Variants in STAU2 observed in about 807,000 individuals in gnomAD.
STAU2 encodes the protein double-stranded RNA-binding protein Staufen homolog 2.
In STAU2, 20 loss-of-function variants were observed where a neutral mutation model predicts 65.9. That is an observed-to-expected ratio of 0.30 (90% CI 0.21 to 0.44). The LOEUF (loss-of-function observed/expected upper bound fraction) is 0.44, where lower values mean the gene tolerates loss of function less well. STAU2 is among the 20% of genes least tolerant of loss of function. The probability of loss-of-function intolerance (pLI) is 1.00; values close to 1 mark genes in which losing one functional copy is unlikely to be tolerated. For synonymous variants in STAU2, 232 were observed against 233.9 expected (o/e 0.99, Z 0.07); for missense variants, 558 against 683.9 (o/e 0.82, Z 2.05).
intron 9 of STAU2, among the ~76,000 whole-genome samples, chr8:73,612,395 G>A (rs1812540950): frequency 6.6e-6 from 1 of 152,058 alleles, no homozygotes; most frequent in South Asian, 2.1e-4. Flanking sequence ...ACTTGCTCAG[G>A]CCACAGGGAT....
chr8:73,647,818 T>C (rs1050014467), intron 6 of STAU2, among the ~76,000 whole-genome samples: 4 of 152,118 alleles, frequency 2.6e-5, no homozygotes, highest in African/African-American at 9.7e-5. Flanking sequence ...GGTCTCAAGC[T>C]ATCTGTCCCA....
At chr8:73,466,735 G>A (rs1254891111) in intron 13 of STAU2, among the ~76,000 whole-genome samples, 1 of 152,134 alleles carries the variant, frequency 6.6e-6, no homozygotes, top group Non-Finnish European at 1.5e-5. Flanking sequence ...CTTCTACTTT[G>A]TGCTGTGGAT....
At chr8:73,502,621 T>C (rs1039158100) in intron 13 of STAU2, among the ~76,000 whole-genome samples, 2 of 152,074 alleles carry the variant, frequency 1.3e-5, no homozygotes, top group African/African-American at 4.8e-5. Flanking sequence ...CTCTATTGCC[T>C]AGAGGGAGCT....
At chr8:73,481,427 A>G (rs909382474) in intron 13 of STAU2, among the ~76,000 whole-genome samples, 1 of 151,518 alleles carries the variant, frequency 6.6e-6, no homozygotes, top group Admixed American at 6.6e-5. Context: ...GATACATGCC[A>G]AAGTTTGAGA....
chr8:73,577,812 G>A (rs2128960188), intron 12 of STAU2, among the ~76,000 whole-genome samples: 1 of 152,152 alleles, frequency 6.6e-6, no homozygotes, highest in South Asian at 2.1e-4. Context: ...CCATTTTCCT[G>A]ATTGCTAAAC....
intron 12 of STAU2, among the ~76,000 whole-genome samples, chr8:73,581,319 T>C (rs752507451): frequency 1.3e-5 from 2 of 152,230 alleles, no homozygotes; most frequent in African/African-American, 2.4e-5. Flanking sequence ...AGTGCCTGAA[T>C]GTAACTATTC....
At chr8:73,732,135 A>T (rs1221957174) in intron 3 of STAU2, among the ~76,000 whole-genome samples, 3 of 152,204 alleles carry the variant, frequency 2.0e-5, no homozygotes, top group African/African-American at 7.2e-5. Flanking sequence ...ATCTGCTTCC[A>T]AGAAGGCTCG....
intron 8 of STAU2, among the ~76,000 whole-genome samples, chr8:73,615,266 G>A (rs894883849): frequency 1.3e-5 from 2 of 151,174 alleles, no homozygotes; most frequent in Non-Finnish European, 2.9e-5. Flanking sequence ...TGTTAGTTGA[G>A]GTTAAAGTGA....
intron 13 of STAU2, among the ~76,000 whole-genome samples, chr8:73,431,564 T>C (rs536171639): frequency 3.3e-5 from 5 of 152,338 alleles, no homozygotes; most frequent in South Asian, 2.1e-4. Context: ...TCTGCATAGA[T>C]ACAAGAAATA....
At chr8:73,717,670 C>T (rs1167168074) in intron 3 of STAU2, among the ~76,000 whole-genome samples, 5 of 150,036 alleles carry the variant, frequency 3.3e-5, no homozygotes, top group African/African-American at 7.5e-5. Context: ...TGTTTTGAGA[C>T]GGAGTCTCGC....
chr8:73,451,029 TG>T (rs1332659624), intron 13 of STAU2, among the ~76,000 whole-genome samples: 1 of 152,172 alleles, frequency 6.6e-6, no homozygotes, highest in Non-Finnish European at 1.5e-5. Context: ...TCACAAACAC[TG>T]AAGAACCCAG....
chr8:73,726,995 C>T (rs577184246), intron 3 of STAU2, among the ~76,000 whole-genome samples: 49 of 152,110 alleles, frequency 3.2e-4, no homozygotes, highest in African/African-American at 1.1e-3. Context: ...TTTGGGAGGC[C>T]GAGGCAGGTG....
intron 12 of STAU2, among the ~76,000 whole-genome samples, chr8:73,555,660 T>C (rs1412677152): frequency 7.7e-6 from 1 of 130,276 alleles, no homozygotes; most frequent in East Asian, 2.1e-4. Context: ...ACATAGCATT[T>C]ATATAATATT....
At chr8:73,575,718 T>C (rs1205461988) in intron 12 of STAU2, among the ~76,000 whole-genome samples, 2 of 152,078 alleles carry the variant, frequency 1.3e-5, no homozygotes, top group African/African-American at 4.8e-5. Flanking sequence ...GATTGAATAA[T>C]ATATATTTGA....
intron 13 of STAU2, among the ~76,000 whole-genome samples, chr8:73,439,455 G>A (rs1290272485): frequency 6.6e-6 from 1 of 152,044 alleles, no homozygotes; most frequent in East Asian, 1.9e-4. Context: ...CATCTCTACT[G>A]AAAAATACAA....
chr8:73,541,549 G>A (rs1388021837), intron 13 of STAU2, among the ~76,000 whole-genome samples: 2 of 152,092 alleles, frequency 1.3e-5, no homozygotes, highest in Non-Finnish European at 2.9e-5. Flanking sequence ...AGAAACTAAA[G>A]ACATGCAAAA....
chr8:73,597,512 A>AT (rs1002073917), intron 10 of STAU2, among the ~76,000 whole-genome samples: 5 of 150,794 alleles, frequency 3.3e-5, no homozygotes, highest in African/African-American at 1.2e-4. Flanking sequence ...AATAAAAAAA[A>AT]AAAAAAAATT....
chr8:73,431,288 C>T (rs902974070), intron 13 of STAU2, among the ~76,000 whole-genome samples: 2 of 152,156 alleles, frequency 1.3e-5, no homozygotes, highest in African/African-American at 4.8e-5. Flanking sequence ...TTAGCATCTA[C>T]TTGTATTTTA....
chr8:73,736,395 T>C (rs1806428128), intron 3 of STAU2, among the ~76,000 whole-genome samples: 2 of 152,218 alleles, frequency 1.3e-5, no homozygotes, highest in African/African-American at 4.8e-5. Flanking sequence ...AGTCACTGTC[T>C]TCATGAAACA....
Sources: allele counts gnomAD v4.1 joint callset (sites outside exome capture counted in the v4.1 genomes callset), GRCh38; gene constraint gnomAD v4.1.1; transcripts MANE v1.5; gene names NCBI Gene and HGNC (gene_info 2026-07-23, HGNC 2026-07-21).